FOCAD: variants seen among roughly 807,000 people sequenced by gnomAD.
The protein encoded by FOCAD is focadhesin, also known as KIAA1797.
A neutral mutation model predicts 225.6 loss-of-function variants in FOCAD; 198 were observed. The observed-to-expected ratio is 0.88, with a 90% CI of 0.78 to 0.99. The LOEUF is 0.99. Ranked by LOEUF, FOCAD falls within the 50% of genes least tolerant of loss-of-function variation. The pLI, the probability that FOCAD is intolerant of heterozygous loss-of-function variation, is 0.00. For synonymous variants in FOCAD, 897 were observed against 755.0 expected, an observed-to-expected ratio of 1.19 and a Z score of -3.08; for missense variants, 2,713 against 2,123.6, an observed-to-expected ratio of 1.28 and a Z score of -5.46.
intron 2 of FOCAD, among the ~76,000 whole-genome samples, chr9:20,668,136 AT>A (rs756985294): frequency 1.3e-5 from 2 of 152,208 alleles, no homozygotes; most frequent in African/African-American, 2.4e-5. Flanking sequence ...TTTGCATCTC[AT>A]TTTTGTATTT....
chr9:20,678,600 C>T (rs1397382054), intron 2 of FOCAD, among the ~76,000 whole-genome samples: 2 of 152,102 alleles, frequency 1.3e-5, no homozygotes, highest in East Asian at 1.9e-4. Context: ...TGCAGGAGGC[C>T]GACCTATAAC....
At chr9:20,926,610 C>T (rs957225245) in intron 26 of FOCAD, among the ~76,000 whole-genome samples, 193 bp downstream of exon 26, 5 of 151,824 alleles carry the variant, frequency 3.3e-5, no homozygotes, top group East Asian at 1.9e-4. Flanking sequence ...ATGGAGAAAC[C>T]GCATCTCTAC....
intron 35 of FOCAD, among the ~76,000 whole-genome samples, chr9:20,966,431 C>G (rs967418216): frequency 6.6e-6 from 1 of 151,676 alleles, no homozygotes; most frequent in Non-Finnish European, 1.5e-5. Context: ...GAAAATAGAC[C>G]CTTATTTATA....
intron 5 of FOCAD, among the ~76,000 whole-genome samples, chr9:20,757,024 A>C (rs915292554): frequency 6.6e-6 from 1 of 152,082 alleles, no homozygotes; most frequent in African/African-American, 2.4e-5. Context: ...CCGCCTCCCA[A>C]GTTTAAGTGA....
chr9:20,994,410 G>T (rs1300843583), intron 43 of FOCAD, among the ~76,000 whole-genome samples: 1 of 152,200 alleles, frequency 6.6e-6, no homozygotes, highest in Non-Finnish European at 1.5e-5. Context: ...AGCTGCCACT[G>T]AAACTTTCAC....
intron 6 of FOCAD, among the ~76,000 whole-genome samples, chr9:20,758,972 AACAG>A (rs1829318662): frequency 6.6e-6 from 1 of 152,094 alleles, no homozygotes; most frequent in Non-Finnish European, 1.5e-5. Flanking sequence ...ATACACCAAT[AACAG>A]ACAAACAGAG....
intron 15 of FOCAD, among the ~76,000 whole-genome samples, chr9:20,849,336 C>G (rs116321915): frequency 1.2e-3 from 189 of 151,812 alleles, no homozygotes; most frequent in African/African-American, 4.0e-3. Flanking sequence ...CATCTATCCT[C>G]TCCTTTCCCC....
At chr9:20,735,300 T>C (rs910408603) in intron 4 of FOCAD, among the ~76,000 whole-genome samples, 3 of 152,138 alleles carry the variant, frequency 2.0e-5, no homozygotes, top group Non-Finnish European at 4.4e-5. Flanking sequence ...GAATTTTAGT[T>C]ACAGATTTTT....
intron 25 of FOCAD, among the ~76,000 whole-genome samples, chr9:20,924,656 T>G (rs1834774109): frequency 6.6e-6 from 1 of 152,158 alleles, no homozygotes; most frequent in Non-Finnish European, 1.5e-5. Flanking sequence ...TTGTTGTGGG[T>G]TTTTTGGTGG....
At chr9:20,939,285 A>C (rs1836380177) in intron 28 of FOCAD, among the ~76,000 whole-genome samples, 1 of 152,178 alleles carries the variant, frequency 6.6e-6, no homozygotes, top group African/African-American at 2.4e-5. Context: ...AATCCAATGA[A>C]GAGTTGAGAT....
chr9:20,715,444 C>A, intron 2 of FOCAD, 34 bp downstream of exon 2: 1 of 1,327,042 alleles, frequency 7.5e-7, no homozygotes, highest in Non-Finnish European at 1.0e-6. Flanking sequence ...CTCATGGTAA[C>A]AAATAAACCT....
chr9:20,676,171 C>T (rs1822227213), intron 2 of FOCAD, among the ~76,000 whole-genome samples: 1 of 152,164 alleles, frequency 6.6e-6, no homozygotes, highest in Non-Finnish European at 1.5e-5. Context: ...AGGTAATTTG[C>T]AGAAAGTGTT....
At position 20,685,196 on chromosome 9, in the gene FOCAD, A is replaced by AT. The variant is rs397959541; in HGVS notation, c.-33+917dup. 7.2e-3 allele frequency among the ~76,000 whole-genome samples: 1,033 copies of AT among 143,064 alleles called. 18 individuals are homozygous for AT. The highest frequency in any genetic ancestry group is 0.024 in the African/African-American group (897 of 38,014). The allele number at this position is 143,064 out of a possible 152,430, so 93.9% of individuals were successfully genotyped here. A position where few individuals can be genotyped will look rare whatever the true frequency, so the allele number is the denominator to read the frequency against. ...TTTATTGTCTAGATTTGAGTTGGAA[A>AT]TTTTTTTTTTTTTTGTTATTTTCAG... On this transcript the variant is annotated intron_variant, in intron 1 of 43. Coordinates refer to ENST00000338382, the MANE Select transcript of FOCAD (RefSeq NM_001375567.1).
chr9:20,867,217 A>G (rs1188854309), intron 18 of FOCAD, among the ~76,000 whole-genome samples: 1 of 151,952 alleles, frequency 6.6e-6, no homozygotes, highest in East Asian at 1.9e-4. Context: ...CCTATGATGC[A>G]AATGAAATCT....
At chr9:20,934,753 C>A (rs1458928557) in intron 28 of FOCAD, among the ~76,000 whole-genome samples, 1 of 152,038 alleles carries the variant, frequency 6.6e-6, no homozygotes, top group South Asian at 2.1e-4. Context: ...GAATTGATAA[C>A]AGAATTCAGC....
chr9:20,896,083 A>G (rs542391339), intron 21 of FOCAD, among the ~76,000 whole-genome samples: 1 of 151,822 alleles, frequency 6.6e-6, no homozygotes, highest in Non-Finnish European at 1.5e-5. Flanking sequence ...AAACTGTTCG[A>G]TTTTGTCAAA....
At chr9:20,832,245 T>G (rs1198163458) in intron 15 of FOCAD, among the ~76,000 whole-genome samples, 2 of 152,014 alleles carry the variant, frequency 1.3e-5, no homozygotes, top group Non-Finnish European at 1.5e-5. Context: ...TGCTTAACTG[T>G]TTTGAGGAAT....
At position 20,988,441 on chromosome 9, in the gene FOCAD, A is replaced by AG. The variant is rs777679980; in HGVS notation, c.5004+14dup. ...CGGCTCTTGACAAGGTAAAATCTAG[A>AG]GGAGTAGTTTATAGCTTCCTTAAAA... is the stretch of plus-strand genomic sequence containing the variant. On this transcript the variant is annotated intron_variant, in intron 41 of 43. Transcript: ENST00000338382. 3.3e-5 allele frequency: 48 copies of AG among 1,452,376 alleles called. No individual in the cohort carries two copies. In the East Asian group the frequency reaches 6.5e-4, roughly 20 times the overall value. 90.0% of individuals were successfully genotyped at this position (1,452,376 alleles called of 1,614,324 possible).
rs143371064 is a variant in FOCAD, at chr9:20,869,618, A to G, written c.2190+2606A>G. On this transcript the variant is annotated intron_variant, in intron 18 of 43. Transcript: ENST00000338382. ...AGATGGTAGAGCTGAATGAGATACA[A>G]TAATATGAGTTAAGAATTTGAATAC... Among the ~76,000 whole-genome samples, 364 of 152,298 alleles carry G rather than the reference A, an allele frequency of 2.4e-3. 9 individuals carry two copies. In the East Asian group the frequency reaches 0.044, roughly 19 times the overall value.
Sources: allele counts gnomAD v4.1 joint callset (sites outside exome capture counted in the v4.1 genomes callset), GRCh38; gene constraint gnomAD v4.1.1; transcripts MANE v1.5; gene names NCBI Gene and HGNC (gene_info 2026-07-23, HGNC 2026-07-21).